Variants in CYP20A1 observed in about 807,000 individuals in gnomAD.
The protein encoded by CYP20A1 is cytochrome P450 20A1.
Under a neutral mutation model 61.4 loss-of-function variants are expected in CYP20A1, and 61 were observed. That is an observed-to-expected ratio of 0.99 (90% confidence interval 0.81 to 1.23). The LOEUF (loss-of-function observed/expected upper bound fraction) is 1.23. CYP20A1 is among the 50% of genes most tolerant of loss of function. The probability of loss-of-function intolerance (pLI) is 0.00; values close to 1 mark genes in which losing one functional copy is unlikely to be tolerated. For missense variants in CYP20A1, 530 were observed against 542.4 expected, an observed-to-expected ratio of 0.98 and a Z score of 0.23; for synonymous variants, 193 against 188.2, an observed-to-expected ratio of 1.03 and a Z score of -0.21.
At chr2:203,269,447 T>A (rs1651120703) in intron 5 of CYP20A1, among the ~76,000 whole-genome samples, 1 of 151,810 alleles carries the variant, frequency 6.6e-6, no homozygotes, top group Admixed American at 6.6e-5. Context: ...ACAAAATTTT[T>A]GCCTATCCAG....
intron 4 of CYP20A1, among the ~76,000 whole-genome samples, chr2:203,255,135 T>TA (rs1382511005): frequency 2.6e-5 from 4 of 152,206 alleles, no homozygotes; most frequent in Non-Finnish European, 4.4e-5. Context: ...TCCATGATCT[T>TA]ACCTGGATTG....
chr2:203,270,089 CA>C (rs1167127001), intron 5 of CYP20A1, among the ~76,000 whole-genome samples: 2 of 137,230 alleles, frequency 1.5e-5, no homozygotes, highest in African/African-American at 2.6e-5. Flanking sequence ...CCATCTTTGC[CA>C]AAAAAAAAAC....
In CYP20A1 at chr2:203,252,003, GGTA is replaced by G. The variant is rs1440116189; in HGVS notation, c.327_329del (p.Arg109_Tyr110delinsSer). ...GAAACCATGCTGAAGTCATTATTAA[GGTA>G]TCAATCTGGTGGTGGCAGTGTGAGT... is the stretch of plus-strand genomic sequence containing the variant. On this transcript the variant is annotated inframe_deletion, in exon 4 of 13. Transcript: ENST00000356079. The G allele has an allele frequency of 4.4e-6, 7 of 1,608,222 alleles. No homozygotes were observed. Among genetic ancestry groups the G allele is most frequent in the Non-Finnish European group, 5.9e-6 (7 of 1,177,090 alleles).
intron 11 of CYP20A1, among the ~76,000 whole-genome samples, chr2:203,294,934 T>TA (rs1208377877): frequency 1.8e-4 from 14 of 77,104 alleles, no homozygotes; most frequent in Admixed American, 5.3e-4. Flanking sequence ...GCCCAGCCTT[T>TA]AAAAAAATTT....
At chr2:203,268,594 GT>G (rs558953868) in intron 5 of CYP20A1, among the ~76,000 whole-genome samples, 76 of 144,948 alleles carry the variant, frequency 5.2e-4, no homozygotes, top group Middle Eastern at 3.5e-3. Context: ...CAAATTATTT[GT>G]TTTTTTTTTT....
intron 1 of CYP20A1, among the ~76,000 whole-genome samples, chr2:203,240,350 C>G (rs1468458314): frequency 6.6e-6 from 1 of 152,234 alleles, no homozygotes; most frequent in Non-Finnish European, 1.5e-5. Context: ...TGATACTCTT[C>G]TTTGATCAGC....
At chr2:203,257,156 A>C (rs1052371964) in intron 4 of CYP20A1, among the ~76,000 whole-genome samples, 1 of 152,002 alleles carries the variant, frequency 6.6e-6, no homozygotes, top group Admixed American at 6.6e-5. Flanking sequence ...CTACAAAAAA[A>C]AAAAGAGAAA....
chr2:203,249,223 C>A (rs2066571012), intron 3 of CYP20A1, among the ~76,000 whole-genome samples: 1 of 152,254 alleles, frequency 6.6e-6, no homozygotes, highest in East Asian at 1.9e-4. Context: ...AGTACAATAA[C>A]AAACATCTTG....
Position 203,299,756 on chromosome 2 carries a change from A to C in CYP20A1, c.*2848A>C, listed in dbSNP as rs541827995. Among the ~76,000 whole-genome samples the C allele has an allele frequency of 3.5e-4, 54 of 152,124 alleles. No individual in the cohort carries two copies. The highest frequency in any genetic ancestry group is 1.2e-3 in the African/African-American group (49 of 41,520). The stretch of plus-strand genomic sequence containing the variant: ...AGGCTTGGTGGTGCATGCCTGTAAT[A>C]CCAGCTACTCGGGAGGCTGAAGCAG... On this transcript the variant is annotated 3_prime_UTR_variant, in exon 13 of 13. Coordinates refer to ENST00000356079, the MANE Select transcript of CYP20A1 (RefSeq NM_177538.3).
intron 1 of CYP20A1, among the ~76,000 whole-genome samples, chr2:203,239,520 GGAC>G (rs1336395782): frequency 6.6e-6 from 1 of 152,204 alleles, no homozygotes; most frequent in African/African-American, 2.4e-5. Context: ...CAGTGTGTCA[GGAC>G]GAGACTCCTG....
At chr2:203,289,552 T>G (rs894415708) in intron 9 of CYP20A1, among the ~76,000 whole-genome samples, 1 of 151,928 alleles carries the variant, frequency 6.6e-6, no homozygotes, top group East Asian at 1.9e-4. Context: ...TTATAACAAA[T>G]CTTATAAAAA....
At position 203,296,554 on chromosome 2, in the gene CYP20A1, C is replaced by A. The variant is rs751395100; in HGVS notation, c.1229C>A (p.Pro410Gln). ...SLGFSGTQEC[P>Q]ELRFAYMVTT... is the part of the protein sequence containing the mutation. ...GGATTCTCAGGCACACAGGAGTGTC[C>A]AGAGTTGAGGTGAATAATAGAATGC... The change falls in exon 12 of 13, where the codon CCA becomes CAA. Residue 410 changes from proline (P) to glutamine (Q), a missense_variant. Pro to Gln is a moderately conservative substitution (Grantham distance 76, BLOSUM62 -1). Transcript: ENST00000356079. 1 of 1,609,094 alleles carries A rather than the reference C, an allele frequency of 6.2e-7. No individual in the cohort carries two copies. The highest frequency in any genetic ancestry group is 1.1e-5 in the South Asian group (1 of 90,352).
At chr2:203,245,940 T>G (rs772382045) in intron 2 of CYP20A1, 45 bp downstream of exon 2, 3 of 1,261,610 alleles carry the variant, frequency 2.4e-6, no homozygotes, top group African/African-American at 1.5e-5. Flanking sequence ...AATTCTTCAT[T>G]ATTGATATCA....
In CYP20A1 at chr2:203,280,271, C is replaced by CA. The variant is rs1186736147; in HGVS notation, c.850+166dup. ...GCTCAGAAAACAGAGACCCTCTCTA[C>CA]AAAAAAAATAAGTTAACTGAGCATG... On this transcript the variant is annotated intron_variant, in intron 8 of 12. Coordinates refer to ENST00000356079, the MANE Select transcript of CYP20A1 (RefSeq NM_177538.3). Among the ~76,000 whole-genome samples, 14 of 151,790 alleles carry CA rather than the reference C, an allele frequency of 9.2e-5. No individual in the cohort carries two copies. The East Asian group carries it at 2.1e-3, about 23-fold the overall frequency.
At position 203,304,846 on chromosome 2, in the gene CYP20A1, G is replaced by A. The variant is rs569541677; in HGVS notation, c.*7938G>A. Among the ~76,000 whole-genome samples the A allele has an allele frequency of 8.1e-4, 124 of 152,256 alleles. No homozygotes were observed. Among genetic ancestry groups the A allele is most frequent in the African/African-American group, 2.9e-3 (121 of 41,540 alleles). On this transcript the variant is annotated 3_prime_UTR_variant, in exon 13 of 13. Transcript: ENST00000356079. ...AACTACTCAGGAGGCTGAGGTGGGA[G>A]GATTGCTTGAGCCCAGGAGGTAGAG...
chr2:203,255,034 A>G (rs186120324), intron 4 of CYP20A1, among the ~76,000 whole-genome samples: 1 of 152,222 alleles, frequency 6.6e-6, no homozygotes, highest in Admixed American at 6.5e-5. Context: ...CACATTTGAA[A>G]AGAATCTCTA....
intron 8 of CYP20A1, among the ~76,000 whole-genome samples, chr2:203,283,497 T>C (rs1191280720): frequency 1.3e-5 from 2 of 150,842 alleles, no homozygotes; most frequent in Non-Finnish European, 3.0e-5. Context: ...ATTACAGGCG[T>C]GAGCCACCAC....
At chr2:203,279,038 C>A (rs1465279604) in intron 7 of CYP20A1, among the ~76,000 whole-genome samples, 1 of 152,136 alleles carries the variant, frequency 6.6e-6, no homozygotes, top group African/African-American at 2.4e-5. Flanking sequence ...GATCTCTGCT[C>A]ACTGCAACCT....
At chr2:203,295,927 G>A (rs550774496) in intron 11 of CYP20A1, among the ~76,000 whole-genome samples, 18 of 151,702 alleles carry the variant, frequency 1.2e-4, no homozygotes, top group Non-Finnish European at 2.1e-4. Flanking sequence ...CCAGCCTGGT[G>A]ACAGAACAAG....
Sources: allele counts gnomAD v4.1 joint callset (sites outside exome capture counted in the v4.1 genomes callset), GRCh38; gene constraint gnomAD v4.1.1; transcripts MANE v1.5; gene names NCBI Gene and HGNC (gene_info 2026-07-23, HGNC 2026-07-21).